OPCML: variants seen among roughly 807,000 people sequenced by gnomAD.
OPCML encodes the protein opioid-binding protein/cell adhesion molecule.
A neutral mutation model predicts 37.8 loss-of-function variants in OPCML; 13 were observed. That is an observed-to-expected ratio of 0.34 (90% CI 0.22 to 0.55). OPCML has a LOEUF of 0.55. OPCML is among the 20% of genes least tolerant of loss of function. The pLI is 0.91. For synonymous variants in OPCML, 176 were observed against 168.8 expected, an observed-to-expected ratio of 1.04 and a Z score of -0.33; for missense variants, 341 against 435.6, an observed-to-expected ratio of 0.78 and a Z score of 1.93.
chr11:132,732,616 T>C (rs1945116120), intron 2 of OPCML, among the ~76,000 whole-genome samples: 4 of 152,120 alleles, frequency 2.6e-5, no homozygotes, highest in Admixed American at 2.6e-4. Flanking sequence ...GGAAAAAAGC[T>C]GGCACCCTAC....
intron 2 of OPCML, among the ~76,000 whole-genome samples, chr11:132,723,282 C>T (rs948586664): frequency 9.2e-5 from 14 of 152,214 alleles, no homozygotes; most frequent in African/African-American, 3.1e-4. Flanking sequence ...TTTAAGCATT[C>T]ATATGGTGTG....
At chr11:132,978,056 T>G (rs577626016) in intron 1 of OPCML, among the ~76,000 whole-genome samples, 1 of 152,032 alleles carries the variant, frequency 6.6e-6, no homozygotes, top group East Asian at 1.9e-4. Flanking sequence ...AATGGAGGAA[T>G]GGTGTTGAGA....
intron 1 of OPCML, among the ~76,000 whole-genome samples, chr11:133,171,226 G>A (rs1950284587): frequency 6.6e-6 from 1 of 152,190 alleles, no homozygotes; most frequent in Non-Finnish European, 1.5e-5. Flanking sequence ...CCTCAAGAAG[G>A]TATTTCCAGT....
rs532539740 is a variant in OPCML, at chr11:132,652,332, T to C, written c.379+4755A>G. Among the ~76,000 whole-genome samples, 4 of 143,682 alleles carry C rather than the reference T, an allele frequency of 2.8e-5. No individual in the cohort carries two copies. In the East Asian group the frequency reaches 7.9e-4, roughly 28 times the overall value. The allele number at this position is 143,682 out of a possible 152,430, so 94.3% of individuals were successfully genotyped here. A position where few individuals can be genotyped will look rare whatever the true frequency, so the allele number is the denominator to read the frequency against. The stretch of plus-strand genomic sequence containing the variant: ...TTCTGTTGCTACAATGCAATATCAA[T>C]AGAAGGAAGAATGACAAACACACAC... On this transcript the variant is annotated intron_variant, in intron 3 of 7. Coordinates refer to ENST00000524381, the MANE Select transcript of OPCML (RefSeq NM_001012393.5).
chr11:133,028,681 C>G (rs1947610274), intron 1 of OPCML, among the ~76,000 whole-genome samples: 1 of 151,846 alleles, frequency 6.6e-6, no homozygotes, highest in Non-Finnish European at 1.5e-5. Flanking sequence ...TGGACCCCTA[C>G]CTCTCACCAT....
intron 2 of OPCML, among the ~76,000 whole-genome samples, chr11:132,676,495 A>C (rs575165471): frequency 6.6e-6 from 1 of 152,138 alleles, no homozygotes; most frequent in South Asian, 2.1e-4. Flanking sequence ...AAGTAAAAAA[A>C]AAATCTATAG....
intron 1 of OPCML, among the ~76,000 whole-genome samples, chr11:133,327,004 T>A (rs1592204429): frequency 9.4e-6 from 1 of 106,456 alleles, no homozygotes; most frequent in Non-Finnish European, 1.9e-5. Context: ...GGGGTGTGGG[T>A]GTATGGGGAG....
intron 2 of OPCML, among the ~76,000 whole-genome samples, chr11:132,933,197 G>T (rs1945266497): frequency 1.3e-5 from 2 of 152,054 alleles, no homozygotes; most frequent in African/African-American, 4.8e-5. Flanking sequence ...CAAGGAGATG[G>T]GTCCATGAAT....
chr11:133,002,606 G>A (rs1344793706), intron 1 of OPCML, among the ~76,000 whole-genome samples: 2 of 152,048 alleles, frequency 1.3e-5, no homozygotes, highest in Non-Finnish European at 2.9e-5. Flanking sequence ...AAAGTTCTCA[G>A]TAAGCTTTAA....
chr11:133,326,449 G>T lies in OPCML; in HGVS notation c.61+205815C>A, dbSNP rs369993753. ...TGTGTGTGGGTGCGTGTATGTGTGT[G>T]TATGTGTGTGTGGGGTGTGTGTGTA... On this transcript the variant is annotated intron_variant, in intron 1 of 7. Coordinates refer to ENST00000524381, the MANE Select transcript of OPCML (RefSeq NM_001012393.5). 2.1e-5 allele frequency among the ~76,000 whole-genome samples: 3 copies of T among 141,574 alleles called. No homozygotes were observed. The East Asian group carries it at 6.4e-4, about 30-fold the overall frequency. 92.9% of individuals were successfully genotyped at this position (141,574 alleles called of 152,430 possible).
At chr11:132,516,644 A>G (rs1001296093) in intron 4 of OPCML, among the ~76,000 whole-genome samples, 1 of 152,198 alleles carries the variant, frequency 6.6e-6, no homozygotes, top group African/African-American at 2.4e-5. Context: ...TAGTGAATCA[A>G]TTGATGGAAA....
intron 5 of OPCML, 139 bp downstream of exon 5, chr11:132,437,083 G>T: frequency 7.1e-7 from 1 of 1,404,638 alleles, no homozygotes; most frequent in Non-Finnish European, 9.6e-7. Context: ...AGGCCATGGT[G>T]GGCAAAGCCA....
chr11:133,453,928 A>G (rs1314094307), intron 1 of OPCML, among the ~76,000 whole-genome samples: 2 of 152,210 alleles, frequency 1.3e-5, no homozygotes, highest in African/African-American at 4.8e-5. Flanking sequence ...GAAGGTAGAT[A>G]AAAGGAAATG....
chr11:133,380,711 T>G (rs1944911764), intron 1 of OPCML, among the ~76,000 whole-genome samples: 2 of 152,194 alleles, frequency 1.3e-5, no homozygotes, highest in Admixed American at 6.5e-5. Context: ...CATTATTACA[T>G]CCAGTTCCCA....
intron 1 of OPCML, among the ~76,000 whole-genome samples, chr11:133,477,348 A>G (rs1459076434): frequency 6.6e-6 from 1 of 152,136 alleles, no homozygotes; most frequent in Non-Finnish European, 1.5e-5. Flanking sequence ...CAAAGAATAG[A>G]TCTTTTCACT....
intron 1 of OPCML, among the ~76,000 whole-genome samples, chr11:133,399,466 G>A (rs941629559): frequency 6.6e-6 from 1 of 152,126 alleles, no homozygotes; most frequent in Non-Finnish European, 1.5e-5. Flanking sequence ...AATGCCAGCC[G>A]CCAGCCTCCT....
At chr11:132,772,130 G>A (rs866321328) in intron 2 of OPCML, 4 of 152,168 alleles carry the variant, frequency 2.6e-5, no homozygotes, top group South Asian at 2.1e-4. Context: ...AAATACTGGG[G>A]AAGATAAGAT....
At chr11:132,451,927 A>G (rs1472925252) in intron 4 of OPCML, among the ~76,000 whole-genome samples, 3 of 152,040 alleles carry the variant, frequency 2.0e-5, no homozygotes, top group African/African-American at 4.8e-5. Context: ...CAGTTTTTCA[A>G]ACTCTGCCCT....
rs185721236 is a variant in OPCML, at chr11:132,455,155, C to T, written c.506-17796G>A. ...ATTGCAAAAAGTTTCACAGAGTTTG[C>T]GCATCTCATTTCTGTTTAATTGTAC... is the stretch of plus-strand genomic sequence containing the variant. On this transcript the variant is annotated intron_variant, in intron 4 of 7. Transcript: ENST00000524381. Among the ~76,000 whole-genome samples the T allele has an allele frequency of 3.3e-4, 50 of 152,306 alleles. 1 individual carries two copies. The highest frequency in any genetic ancestry group is 9.9e-4 in the African/African-American group (41 of 41,572).
Sources: allele counts gnomAD v4.1 joint callset (sites outside exome capture counted in the v4.1 genomes callset), GRCh38; gene constraint gnomAD v4.1.1; transcripts MANE v1.5; gene names NCBI Gene and HGNC (gene_info 2026-07-23, HGNC 2026-07-21).